CTNNA3: variants seen among roughly 807,000 people sequenced by gnomAD.
The protein encoded by CTNNA3 is catenin alpha-3.
In CTNNA3, 76 loss-of-function variants were observed where a neutral mutation model predicts 95.7. The observed-to-expected ratio is 0.79, with a 90% CI of 0.66 to 0.96. The LOEUF (loss-of-function observed/expected upper bound fraction) is 0.96, where lower values mean the gene tolerates loss of function less well. Among genes scored for constraint, CTNNA3 ranks in the 40% least tolerant of loss-of-function variants. CTNNA3 has a pLI of 0.00. For missense variants in CTNNA3, 1,191 were observed against 1,089.8 expected, an observed-to-expected ratio of 1.09 and a Z score of -1.31; for synonymous variants, 431 against 374.4, an observed-to-expected ratio of 1.15 and a Z score of -1.74.
intron 7 of CTNNA3, among the ~76,000 whole-genome samples, chr10:67,123,166 C>A (rs1859548988): frequency 6.6e-6 from 1 of 152,032 alleles, no homozygotes; most frequent in African/African-American, 2.4e-5. Context: ...TCTGATGAAC[C>A]AAGTATAGAG....
chr10:66,367,744 T>G (rs1314801035), intron 12 of CTNNA3, among the ~76,000 whole-genome samples: 1 of 149,032 alleles, frequency 6.7e-6, no homozygotes, highest in Non-Finnish European at 1.5e-5. Flanking sequence ...GCCTCCTGGG[T>G]GGGGACTGGT....
intron 15 of CTNNA3, among the ~76,000 whole-genome samples, chr10:66,029,475 T>C (rs1367962222): frequency 1.3e-5 from 2 of 152,180 alleles, no homozygotes; most frequent in East Asian, 3.8e-4. Flanking sequence ...ACTCTATTTC[T>C]CTAGATATCT....
intron 5 of CTNNA3, among the ~76,000 whole-genome samples, chr10:67,416,903 T>C (rs1845566051): frequency 6.6e-6 from 1 of 152,048 alleles, no homozygotes; most frequent in African/African-American, 2.4e-5. Context: ...TCAAATAATT[T>C]AAAACATAGC....
intron 1 of CTNNA3, among the ~76,000 whole-genome samples, chr10:67,664,555 G>A (rs1840283166): frequency 6.6e-6 from 1 of 152,074 alleles, no homozygotes; most frequent in Admixed American, 6.6e-5. Context: ...TTATCATTGA[G>A]AATTGCTGCA....
chr10:66,933,621 C>A (rs1847530348), intron 7 of CTNNA3, among the ~76,000 whole-genome samples: 1 of 152,150 alleles, frequency 6.6e-6, no homozygotes, highest in African/African-American at 2.4e-5. Flanking sequence ...TGATGTTTCT[C>A]CCCTGGCCAC....
At chr10:67,699,296 T>G (rs944150813), upstream of CTNNA3, among the ~76,000 whole-genome samples, 60 of 152,184 alleles carry the variant, frequency 3.9e-4, no homozygotes, top group Non-Finnish European at 1.9e-4. Flanking sequence ...CCAAATGAGT[T>G]GTCCACCACC....
chr10:65,943,338 T>C (rs963822072), intron 17 of CTNNA3, among the ~76,000 whole-genome samples: 1 of 152,172 alleles, frequency 6.6e-6, no homozygotes, highest in African/African-American at 2.4e-5. Context: ...TGTAGTTATG[T>C]CGTTTTTAAT....
chr10:66,264,345 A>G (rs1331853442), intron 13 of CTNNA3, among the ~76,000 whole-genome samples: 6 of 151,942 alleles, frequency 3.9e-5, no homozygotes, highest in African/African-American at 1.2e-4. Flanking sequence ...CAGCAATTTC[A>G]GTCAATTTTA....
At chr10:65,930,630 T>C (rs1467480869) in intron 17 of CTNNA3, among the ~76,000 whole-genome samples, 2 of 152,198 alleles carry the variant, frequency 1.3e-5, no homozygotes, top group East Asian at 3.9e-4. Context: ...ATTTTTTTAT[T>C]TCTGTGATTA....
intron 11 of CTNNA3, among the ~76,000 whole-genome samples, chr10:66,434,217 CTA>C (rs1296527612): frequency 6.6e-6 from 1 of 152,060 alleles, no homozygotes; most frequent in Non-Finnish European, 1.5e-5. Flanking sequence ...AGCATTGAAT[CTA>C]TAAATTACCC....
chr10:67,439,952 A>G (rs1846437719), intron 5 of CTNNA3, among the ~76,000 whole-genome samples: 1 of 152,196 alleles, frequency 6.6e-6, no homozygotes. Context: ...TGAGAAAAGC[A>G]TGGGGAAACG....
intron 8 of CTNNA3, among the ~76,000 whole-genome samples, chr10:66,775,139 A>T (rs1284057068): frequency 6.6e-6 from 1 of 152,106 alleles, no homozygotes; most frequent in East Asian, 1.9e-4. Flanking sequence ...TATTAATTTC[A>T]TTGTATAGGT....
chr10:66,479,860 A>T (rs1324404223), intron 11 of CTNNA3, among the ~76,000 whole-genome samples: 5 of 152,056 alleles, frequency 3.3e-5, no homozygotes, highest in African/African-American at 1.2e-4. Flanking sequence ...CCTACAAGAT[A>T]CTTATATCAA....
chr10:67,667,579 C>T (rs1365596629), intron 1 of CTNNA3, among the ~76,000 whole-genome samples: 3 of 152,094 alleles, frequency 2.0e-5, no homozygotes, highest in Non-Finnish European at 4.4e-5. Flanking sequence ...TAATTCTCTT[C>T]CTCAATTGTC....
intron 7 of CTNNA3, among the ~76,000 whole-genome samples, chr10:66,928,761 A>C (rs1337428503): frequency 2.0e-5 from 3 of 152,168 alleles, no homozygotes; most frequent in South Asian, 4.1e-4. Context: ...TTTTAAGATA[A>C]AACTTCTTTC....
intron 11 of CTNNA3, among the ~76,000 whole-genome samples, chr10:66,512,313 T>A (rs150894590): frequency 6.6e-6 from 1 of 152,184 alleles, no homozygotes; most frequent in African/African-American, 2.4e-5. Context: ...GGTCTCAGTT[T>A]TTTAATTCAG....
intron 11 of CTNNA3, among the ~76,000 whole-genome samples, chr10:66,393,448 C>G (rs2092949756): frequency 2.0e-5 from 3 of 152,052 alleles, no homozygotes; most frequent in Admixed American, 2.0e-4. Flanking sequence ...CATTCAGTGT[C>G]AAGTCCATTT....
rs115299313 is a variant in CTNNA3 at position 65,934,685 on chromosome 10, T to A, written c.2401-14068A>T. Among the ~76,000 whole-genome samples, 1,240 of 152,112 alleles carry A rather than the reference T, an allele frequency of 8.2e-3. 19 individuals carry two copies. Among genetic ancestry groups the A allele is most frequent in the African/African-American group, 0.029 (1,192 of 41,496 alleles). On this transcript the variant is annotated intron_variant, in intron 17 of 17. Transcript: ENST00000433211. Reference sequence around the variant, plus strand: ...ATTGAGATATTGTTTAACAATTCCCTCAGAAAGAAATACAAAAATATGGGC... The same window carrying A: ...ATTGAGATATTGTTTAACAATTCCCACAGAAAGAAATACAAAAATATGGGC...
intron 10 of CTNNA3, among the ~76,000 whole-genome samples, chr10:66,562,789 A>G (rs1842592390): frequency 6.6e-6 from 1 of 151,864 alleles, no homozygotes; most frequent in Middle Eastern, 3.2e-3. Flanking sequence ...AATACTTTTA[A>G]GTATATAAAT....
Sources: allele counts gnomAD v4.1 joint callset (sites outside exome capture counted in the v4.1 genomes callset), GRCh38; gene constraint gnomAD v4.1.1; transcripts MANE v1.5; gene names NCBI Gene and HGNC (gene_info 2026-07-23, HGNC 2026-07-21).